Variants in VRTN observed in about 807,000 individuals in gnomAD.
The protein encoded by VRTN is vertebrae development associated.
In VRTN, 5 loss-of-function variants were observed where a neutral mutation model predicts 18.2. That is an observed-to-expected ratio of 0.27 (90% CI 0.14 to 0.58). The LOEUF (loss-of-function observed/expected upper bound fraction) is 0.58, where lower values mean the gene tolerates loss of function less well. Among genes scored for constraint, VRTN ranks in the 20% least tolerant of loss-of-function variants. VRTN has a pLI of 0.91. For synonymous variants in VRTN, 381 were observed against 393.7 expected (o/e 0.97, Z 0.38); for missense variants, 741 against 939.4 (o/e 0.79, Z 2.76).
intron 1 of VRTN, among the ~76,000 whole-genome samples, chr14:74,324,837 A>T (rs1487213296): frequency 6.6e-6 from 1 of 152,106 alleles, no homozygotes; most frequent in East Asian, 1.9e-4. Flanking sequence ...CAGTGAGTTG[A>T]GATCTCCCCA....
rs545724496 is a variant in VRTN at position 74,359,400 on chromosome 14, G to T, written c.*508G>T. 5.9e-6 allele frequency: 1 copy of T among 168,552 alleles called. No individual in the cohort carries two copies. The highest frequency in any genetic ancestry group is 2.4e-5 in the African/African-American group (1 of 41,540). 10.4% of individuals were successfully genotyped at this position (168,552 alleles called of 1,614,324 possible). On this transcript the variant is annotated 3_prime_UTR_variant, in exon 2 of 2. Coordinates refer to ENST00000256362, the MANE Select transcript of VRTN (RefSeq NM_018228.3). Reference sequence around the variant, plus strand: ...AAAGGAACATTAGGCTCGAATATGGGGGCCAGGTGTGGTGGCTTATGCCTG... The same window carrying T: ...AAAGGAACATTAGGCTCGAATATGGTGGCCAGGTGTGGTGGCTTATGCCTG...
chr14:74,346,918 C>T (rs891547061), upstream of VRTN, among the ~76,000 whole-genome samples: 11 of 152,180 alleles, frequency 7.2e-5, no homozygotes, highest in Admixed American at 1.3e-4. Flanking sequence ...GTAATGCAGA[C>T]GTTTTTTATA....
chr14:74,308,325 T>C (rs751766834), intron 1 of VRTN, among the ~76,000 whole-genome samples: 1 of 152,176 alleles, frequency 6.6e-6, no homozygotes, highest in Non-Finnish European at 1.5e-5. Context: ...TAACACTCTT[T>C]TAGTTTATAG....
chr14:74,344,743 A>AAAAAAAAAAAAAAAAAAAAAAAAAAAG (rs1425106645), upstream of VRTN, among the ~76,000 whole-genome samples: 1 of 146,418 alleles, frequency 6.8e-6, no homozygotes, highest in African/African-American at 2.7e-5. Flanking sequence ...TAAAAAAAAA[A>AAAAAAAAAAAAAAAAAAAAAAAAAAAG]AAAATGAAAA....
chr14:74,333,392 A>G (rs1377630415), intron 1 of VRTN, among the ~76,000 whole-genome samples: 1 of 149,594 alleles, frequency 6.7e-6, no homozygotes, highest in Non-Finnish European at 1.5e-5. Context: ...CAAAAAAAAG[A>G]GGTGGGAGGA....
chr14:74,333,331 C>T (rs1400353905), intron 1 of VRTN, among the ~76,000 whole-genome samples: 3 of 151,924 alleles, frequency 2.0e-5, no homozygotes, highest in South Asian at 2.1e-4. Flanking sequence ...TGCAGTGAGC[C>T]GAGATTACAC....
At chr14:74,346,370 T>C (rs1371764866), upstream of VRTN, among the ~76,000 whole-genome samples, 1 of 151,948 alleles carries the variant, frequency 6.6e-6, no homozygotes, top group Non-Finnish European at 1.5e-5. Context: ...GTGAGGAGAA[T>C]GTGTTGGGTG....
At chr14:74,343,564 A>G (rs768481332), upstream of VRTN, among the ~76,000 whole-genome samples, 7 of 152,200 alleles carry the variant, frequency 4.6e-5, no homozygotes, top group East Asian at 3.8e-4. Context: ...GCATGGTTCA[A>G]TCAGCAAAAG....
intron 1 of VRTN, among the ~76,000 whole-genome samples, chr14:74,355,437 G>A (rs540563140): frequency 2.1e-4 from 32 of 152,226 alleles, no homozygotes; most frequent in Admixed American, 5.9e-4. Context: ...TGCAGCAAGC[G>A]TGTTATAAGT....
chr14:74,356,228 G>T (rs1238392765), intron 1 of VRTN, among the ~76,000 whole-genome samples: 1 of 152,066 alleles, frequency 6.6e-6, no homozygotes, highest in Non-Finnish European at 1.5e-5. Flanking sequence ...TTGTTGCCCA[G>T]GCTGGAGTGC....
At chr14:74,336,337 G>A (rs562383163) in intron 1 of VRTN, among the ~76,000 whole-genome samples, 2 of 152,064 alleles carry the variant, frequency 1.3e-5, no homozygotes, top group East Asian at 3.9e-4. Context: ...AACCTGGGAG[G>A]CGGAGGTTGC....
intron 1 of VRTN, among the ~76,000 whole-genome samples, chr14:74,320,897 T>TA (rs2085451663): frequency 1.6e-5 from 2 of 126,258 alleles, no homozygotes; most frequent in African/African-American, 3.5e-5. Flanking sequence ...TCCCATCTCT[T>TA]TAAAAAAAAA....
intron 2 of VRTN, among the ~76,000 whole-genome samples, chr14:74,343,329 G>A (rs2085620505): frequency 6.6e-6 from 1 of 152,106 alleles, no homozygotes; most frequent in Admixed American, 6.6e-5. Context: ...GTTTCACCAT[G>A]TTGGCCAGGC....
intron 1 of VRTN, among the ~76,000 whole-genome samples, chr14:74,353,991 C>T (rs1188320249): frequency 6.6e-6 from 1 of 152,168 alleles, no homozygotes; most frequent in African/African-American, 2.4e-5. Flanking sequence ...CCAGGCTGGT[C>T]TTGAACTCCC....
upstream of VRTN, among the ~76,000 whole-genome samples, chr14:74,344,577 CA>C (rs1368802166): frequency 6.6e-6 from 1 of 150,452 alleles, no homozygotes; most frequent in African/African-American, 2.4e-5. Context: ...ACTAAAAATA[CA>C]AAAAAATTAG....
intron 1 of VRTN, among the ~76,000 whole-genome samples, chr14:74,336,297 C>A (rs969583849): frequency 2.6e-5 from 4 of 151,792 alleles, no homozygotes; most frequent in African/African-American, 9.7e-5. Context: ...ATCCCAGCTG[C>A]TCGGGAGGCT....
intron 1 of VRTN, among the ~76,000 whole-genome samples, chr14:74,321,095 A>G (rs146212714): frequency 3.3e-3 from 498 of 152,200 alleles, no homozygotes; most frequent in Non-Finnish European, 6.3e-3. Flanking sequence ...GAGAAAATAG[A>G]AATGGGAATT....
chr14:74,324,745 G>A (rs1186885847), intron 1 of VRTN, among the ~76,000 whole-genome samples: 1 of 51,202 alleles, frequency 2.0e-5, no homozygotes, highest in African/African-American at 8.5e-5. Flanking sequence ...AAAATTAGCC[G>A]AGCGTGGTGG....
At chr14:74,356,294 CT>C (rs547466598) in intron 1 of VRTN, among the ~76,000 whole-genome samples, 206 of 152,240 alleles carry the variant, frequency 1.4e-3, no homozygotes, top group Non-Finnish European at 2.6e-3. Flanking sequence ...AGTGATTCTT[CT>C]GCCCTAGCCT....
Sources: gnomAD v4.1 joint callset for allele counts (sites outside exome capture counted in the v4.1 genomes callset) on GRCh38, gnomAD v4.1.1 for gene constraint, MANE v1.5 for transcripts, NCBI Gene and HGNC (gene_info 2026-07-23, HGNC 2026-07-21) for gene names.